The following DOCK3 variants were observed in gnomAD, a reference collection of about 807,000 sequenced individuals.
The protein encoded by DOCK3 is dedicator of cytokinesis protein 3.
A neutral mutation model predicts 265.6 loss-of-function variants in DOCK3; 60 were observed. That is an observed-to-expected ratio of 0.23 (90% CI 0.18 to 0.28). The LOEUF (loss-of-function observed/expected upper bound fraction) is 0.28. Among genes scored for constraint, DOCK3 ranks in the 10% least tolerant of loss-of-function variants. The probability of loss-of-function intolerance (pLI) is 1.00; values close to 1 mark genes in which losing one functional copy is unlikely to be tolerated. For synonymous variants in DOCK3, 881 were observed against 938.0 expected, an observed-to-expected ratio of 0.94 and a Z score of 1.11; for missense variants, 1,981 against 2,594.3, an observed-to-expected ratio of 0.76 and a Z score of 5.14.
At chr3:51,137,877 A>C (rs533683995) in intron 9 of DOCK3, among the ~76,000 whole-genome samples, 1 of 152,356 alleles carries the variant, frequency 6.6e-6, no homozygotes, top group African/African-American at 2.4e-5. Context: ...TTCATATTAA[A>C]GAATTACTCA....
At chr3:50,965,058 T>C (rs1179536592) in intron 5 of DOCK3, among the ~76,000 whole-genome samples, 1 of 152,030 alleles carries the variant, frequency 6.6e-6, no homozygotes, top group Non-Finnish European at 1.5e-5. Flanking sequence ...ACCAGAAATG[T>C]TAAAGGAATT....
chr3:51,107,793 A>G (rs889072517), intron 9 of DOCK3, among the ~76,000 whole-genome samples: 5 of 152,216 alleles, frequency 3.3e-5, no homozygotes, highest in South Asian at 2.1e-4. Flanking sequence ...GAACTTCCCA[A>G]CCTAGCTAGA....
At chr3:50,928,519 A>G (rs2050891458) in intron 4 of DOCK3, among the ~76,000 whole-genome samples, 1 of 152,222 alleles carries the variant, frequency 6.6e-6, no homozygotes, top group South Asian at 2.1e-4. Flanking sequence ...TTGCACTTAT[A>G]TATACCACAT....
rs563204086 is a variant in DOCK3 at position 51,170,880 on chromosome 3, T to C, written c.1037+10178T>C. Among the ~76,000 whole-genome samples, 667 of 150,894 alleles carry C rather than the reference T, an allele frequency of 4.4e-3. 1 individual carries two copies. The highest frequency in any genetic ancestry group is 0.016 in the African/African-American group (650 of 40,950). ...ATGGCTTGAACCCAGGAGGCAGAGA[T>C]TGCAGTGAGCCAAGATTGTGCCACT... On this transcript the variant is annotated intron_variant, in intron 12 of 52. Coordinates refer to ENST00000266037, the MANE Select transcript of DOCK3 (RefSeq NM_004947.5).
intron 9 of DOCK3, among the ~76,000 whole-genome samples, chr3:51,123,095 C>T (rs1488065942): frequency 6.6e-6 from 1 of 152,212 alleles, no homozygotes; most frequent in African/African-American, 2.4e-5. Flanking sequence ...CCACACTTTG[C>T]TCCTGACCAG....
At chr3:51,077,205 A>G (rs1012013567) in intron 7 of DOCK3, among the ~76,000 whole-genome samples, 10 of 152,206 alleles carry the variant, frequency 6.6e-5, no homozygotes, top group African/African-American at 2.2e-4. Context: ...TCAATTAGAT[A>G]TGGAAAGTGA....
At chr3:50,919,028 C>T (rs141778723) in intron 4 of DOCK3, among the ~76,000 whole-genome samples, 14,346 of 152,144 alleles carry the variant, frequency 0.094, 835 homozygotes, top group Non-Finnish European at 0.12. Context: ...ATCCTTTCCC[C>T]ATTTCTTGTT....
chr3:51,058,367 A>G (rs2081277317), intron 5 of DOCK3, among the ~76,000 whole-genome samples: 1 of 152,146 alleles, frequency 6.6e-6, no homozygotes, highest in Non-Finnish European at 1.5e-5. Context: ...GTCATGGGAG[A>G]TATTGTAGTT....
chr3:50,729,048 C>T (rs1206474960), intron 1 of DOCK3, among the ~76,000 whole-genome samples: 16 of 133,986 alleles, frequency 1.2e-4, no homozygotes, highest in African/African-American at 1.6e-4. Flanking sequence ...TGGCCAGGCA[C>T]GGTGGCTCAT....
chr3:50,908,118 G>A (rs1575502084), intron 4 of DOCK3, among the ~76,000 whole-genome samples: 3 of 148,600 alleles, frequency 2.0e-5, no homozygotes, highest in Admixed American at 2.0e-4. Flanking sequence ...TTTATTATGT[G>A]TGTAGCTAGC....
intron 3 of DOCK3, among the ~76,000 whole-genome samples, chr3:50,868,908 T>TTG: frequency 6.8e-6 from 1 of 147,132 alleles, no homozygotes; most frequent in South Asian, 2.1e-4. Context: ...TCTGTTTTTT[T>TTG]TTTTTTTTTT....
chr3:50,921,922 A>G (rs775589481), intron 4 of DOCK3, among the ~76,000 whole-genome samples: 1 of 151,998 alleles, frequency 6.6e-6, no homozygotes, highest in Non-Finnish European at 1.5e-5. Context: ...TGGAAGCTTC[A>G]TCTCAGAGGG....
chr3:51,364,387 A>G (rs2086974118), intron 49 of DOCK3, among the ~76,000 whole-genome samples: 1 of 152,196 alleles, frequency 6.6e-6, no homozygotes, highest in African/African-American at 2.4e-5. Context: ...TCTGGATACT[A>G]GCCTTTTGTC....
At chr3:51,162,843 C>G (rs192415669) in intron 12 of DOCK3, among the ~76,000 whole-genome samples, 152 of 151,932 alleles carry the variant, frequency 1.0e-3, no homozygotes, top group African/African-American at 3.5e-3. Flanking sequence ...TAAAGTAGTT[C>G]TAAAAAGATG....
chr3:50,689,270 C>G (rs754368237), intron 1 of DOCK3, among the ~76,000 whole-genome samples: 1 of 152,128 alleles, frequency 6.6e-6, no homozygotes, highest in Non-Finnish European at 1.5e-5. Context: ...TCTGTACTCA[C>G]GGTGCTAATA....
intron 1 of DOCK3, among the ~76,000 whole-genome samples, chr3:50,759,458 G>A (rs1299146840): frequency 6.6e-6 from 1 of 151,854 alleles, no homozygotes; most frequent in African/African-American, 2.4e-5. Context: ...TAATGATTAG[G>A]GATGTTGAAC....
chr3:51,147,154 C>T (rs971792472), intron 10 of DOCK3, among the ~76,000 whole-genome samples: 4 of 152,022 alleles, frequency 2.6e-5, no homozygotes, highest in Non-Finnish European at 5.9e-5. Flanking sequence ...ATAGGTCTTT[C>T]TTACTGTTCT....
chr3:51,372,423 A>G (rs2087758612), intron 49 of DOCK3, among the ~76,000 whole-genome samples: 1 of 152,208 alleles, frequency 6.6e-6, no homozygotes, highest in Non-Finnish European at 1.5e-5. Flanking sequence ...CTTTGTGGCC[A>G]CCATAGCCCA....
intron 5 of DOCK3, among the ~76,000 whole-genome samples, chr3:50,986,374 T>A (rs978661389): frequency 6.6e-6 from 1 of 152,232 alleles, no homozygotes; most frequent in Non-Finnish European, 1.5e-5. Flanking sequence ...GTGACATACT[T>A]CTCCAAGAAT....
Sources: allele counts gnomAD v4.1 joint callset (sites outside exome capture counted in the v4.1 genomes callset), GRCh38; gene constraint gnomAD v4.1.1; transcripts MANE v1.5; gene names NCBI Gene and HGNC (gene_info 2026-07-23, HGNC 2026-07-21).